Variants in LPIN1 observed in about 807,000 individuals in gnomAD.
LPIN1 encodes lipin 1.
A neutral mutation model predicts 107.5 loss-of-function variants in LPIN1; 71 were observed. That is an observed-to-expected ratio of 0.66 (90% CI 0.55 to 0.80). The LOEUF is 0.80. LPIN1 is among the 30% of genes least tolerant of loss of function. The probability of loss-of-function intolerance (pLI) is 0.00; values close to 1 mark genes in which losing one functional copy is unlikely to be tolerated. For synonymous variants in LPIN1, 445 were observed against 452.6 expected (o/e 0.98, Z 0.21); for missense variants, 1,043 against 1,160.6 (o/e 0.90, Z 1.47).
chr2:11,703,640 C>G (rs969323933), intron 1 of LPIN1, among the ~76,000 whole-genome samples: 7 of 152,106 alleles, frequency 4.6e-5, no homozygotes, highest in African/African-American at 1.7e-4. Context: ...AACAGGCAAA[C>G]TCATAGACAC....
chr2:11,758,694 T>C (rs1009661889), intron 1 of LPIN1, among the ~76,000 whole-genome samples: 2 of 152,160 alleles, frequency 1.3e-5, no homozygotes, highest in African/African-American at 4.8e-5. Flanking sequence ...GCTAAAGATA[T>C]CAAAGCACCA....
rs773713628 is a variant in LPIN1 at position 11,787,167 on chromosome 2, A to C, written c.1643A>C (p.Lys548Thr). The C allele has an allele frequency of 1.2e-6, 2 of 1,608,124 alleles. No homozygotes were observed. Among genetic ancestry groups the C allele is most frequent in the South Asian group, 2.2e-5 (2 of 90,982 alleles). Residue 548 changes from lysine (K) to threonine (T), a missense_variant and splice_region_variant, in exon 11 of 21, where the codon AAA (lysine) becomes ACA (threonine). Lys to Thr is a moderately conservative substitution (Grantham distance 78, BLOSUM62 -1). Coordinates refer to ENST00000674199, the MANE Select transcript of LPIN1 (RefSeq NM_001349206.2). ...AATCTCGTGGTAAAGATTGGGAGTA[A>C]GTAAGTACCTCTTGAAAGTCACTTT... Reference protein sequence around the residue: ...DPNLVVKIGSKYYNWTTAAPL... With the variant: ...DPNLVVKIGSTYYNWTTAAPL...
chr2:11,775,274 T>C (rs1448933181), intron 5 of LPIN1, among the ~76,000 whole-genome samples: 1 of 152,136 alleles, frequency 6.6e-6, no homozygotes, highest in Non-Finnish European at 1.5e-5. Flanking sequence ...GGAGATAAAA[T>C]AGTGGAGGGA....
At chr2:11,793,046 C>T (rs796825381) in intron 13 of LPIN1, among the ~76,000 whole-genome samples, 24 of 152,320 alleles carry the variant, frequency 1.6e-4, no homozygotes, top group African/African-American at 5.5e-4. Flanking sequence ...TTCTTTTCTA[C>T]TCCACATCCA....
At chr2:11,781,335 G>C (rs1673540016) in intron 7 of LPIN1, among the ~76,000 whole-genome samples, 1 of 152,228 alleles carries the variant, frequency 6.6e-6, no homozygotes, top group African/African-American at 2.4e-5. Context: ...TTAGTTGCTG[G>C]AGAAACAGCA....
intron 1 of LPIN1, among the ~76,000 whole-genome samples, chr2:11,763,495 GCCTGTCCCTTTC>G (rs1470537675): frequency 6.6e-6 from 1 of 152,164 alleles, no homozygotes; most frequent in African/African-American, 2.4e-5. Flanking sequence ...ATATCTCTTG[GCCTGTCCCTTTC>G]CCTCTTTTTC....
intron 2 of LPIN1, chr2:11,713,872 A>G (rs922802357): frequency 3.3e-5 from 39 of 1,184,782 alleles, no homozygotes; most frequent in Middle Eastern, 3.8e-4. Context: ...ATTAGAGAAA[A>G]TACTCCATGT....
At position 11,815,139 on chromosome 2, in the gene LPIN1, C is replaced by T. The variant is rs763230157; in HGVS notation, c.2301C>T (p.Asp767=). 1 of 1,614,196 alleles carries T rather than the reference C, an allele frequency of 6.2e-7. No homozygotes were observed. The highest frequency in any genetic ancestry group is 2.2e-5 in the East Asian group (1 of 44,884). The change falls in exon 18 of 21, where the codon GAC becomes GAT. Residue 767 remains aspartate (D), a synonymous_variant. Transcript: ENST00000674199. ...YCSARAIGMA[D]MTRGYLHWVN... is the part of the protein sequence containing the mutation. Reference sequence around the variant, plus strand: ...CTGCCCGTGCCATCGGGATGGCGGACATGACGCGGGGCTACCTGCACTGGG... The same window carrying T: ...CTGCCCGTGCCATCGGGATGGCGGATATGACGCGGGGCTACCTGCACTGGG...
chr2:11,681,030 C>A (rs1364886454), intron 1 of LPIN1, among the ~76,000 whole-genome samples: 1 of 152,204 alleles, frequency 6.6e-6, no homozygotes, highest in Non-Finnish European at 1.5e-5. Context: ...CAGCACTACA[C>A]CTGAAAGCAG....
rs373579741 is a variant in LPIN1, at chr2:11,691,083, G to GTTTTT, written c.81+13355_81+13356insTTTTT. Among the ~76,000 whole-genome samples, 3 of 120,270 alleles carry GTTTTT rather than the reference G, an allele frequency of 2.5e-5. 1 individual carries two copies. The highest frequency in any genetic ancestry group is 1.6e-5 in the Non-Finnish European group (1 of 61,932). 78.9% of individuals were successfully genotyped at this position (120,270 alleles called of 152,430 possible). ...TGAGTGGATTTAAAAATCTTGTTGT[G>GTTTTT]GTTTTTTTTTTTTTTTCTCTCTCCT... On this transcript the variant is annotated intron_variant, in intron 1 of 21. Transcript: ENST00000449576.
chr2:11,789,150 C>G (rs570063800), intron 12 of LPIN1, among the ~76,000 whole-genome samples: 6 of 152,202 alleles, frequency 3.9e-5, no homozygotes, highest in Non-Finnish European at 5.9e-5. Context: ...ATCCTTTGTG[C>G]GCTTAGCAAG....
intron 2 of LPIN1, among the ~76,000 whole-genome samples, chr2:11,714,171 G>A (rs776854397): frequency 1.0e-3 from 156 of 152,190 alleles, no homozygotes; most frequent in Admixed American, 3.9e-4. Context: ...TTTACTGGAC[G>A]ATCCTTACCG....
At chr2:11,795,608 T>C (rs1676565417) in intron 14 of LPIN1, 121 bp downstream of exon 14, 1 of 935,902 alleles carries the variant, frequency 1.1e-6, no homozygotes. Context: ...TGTGATTCAC[T>C]TGGTGACCTG....
intron 20 of LPIN1, among the ~76,000 whole-genome samples, chr2:11,824,299 T>C (rs1682058942): frequency 6.6e-6 from 1 of 151,578 alleles, no homozygotes; most frequent in Admixed American, 6.6e-5. Context: ...ATGTCCCATA[T>C]GTGACCCCTG....
chr2:11,798,332 C>G (rs1677088319), intron 14 of LPIN1, among the ~76,000 whole-genome samples: 1 of 152,154 alleles, frequency 6.6e-6, no homozygotes, highest in African/African-American at 2.4e-5. Context: ...GGGAAGAGGA[C>G]AGCAACTGGG....
chr2:11,711,122 C>T (rs1307644108), intron 1 of LPIN1, among the ~76,000 whole-genome samples: 2 of 152,168 alleles, frequency 1.3e-5, no homozygotes, highest in Admixed American at 1.3e-4. Flanking sequence ...TAGCCTACCT[C>T]GTGAGTGCAA....
intron 7 of LPIN1, among the ~76,000 whole-genome samples, chr2:11,781,367 T>A (rs955947513): frequency 6.6e-6 from 1 of 152,258 alleles, no homozygotes; most frequent in Non-Finnish European, 1.5e-5. Flanking sequence ...ATCCATCACT[T>A]CTTCTGGCAA....
intron 8 of LPIN1, 107 bp from the exon 9 acceptor site, chr2:11,783,722 T>C: frequency 3.2e-6 from 3 of 936,962 alleles, no homozygotes; most frequent in Non-Finnish European, 5.3e-6. Context: ...TTTGAGTACC[T>C]GGGAGCAAAT....
intron 1 of LPIN1, among the ~76,000 whole-genome samples, chr2:11,725,299 G>A (rs1321579067): frequency 1.3e-5 from 2 of 151,154 alleles, no homozygotes; most frequent in Non-Finnish European, 2.9e-5. Context: ...AAACAAACAT[G>A]TGGAATGCTA....
Sources: allele counts gnomAD v4.1 joint callset (sites outside exome capture counted in the v4.1 genomes callset), GRCh38; gene constraint gnomAD v4.1.1; transcripts MANE v1.5; gene names NCBI Gene and HGNC (gene_info 2026-07-23, HGNC 2026-07-21).